The following SMYD2 variants were observed in gnomAD, a reference collection of about 807,000 sequenced individuals.
SMYD2 encodes N-lysine methyltransferase SMYD2.
A neutral mutation model predicts 59.1 loss-of-function variants in SMYD2; 53 were observed. The observed-to-expected ratio is 0.90, with a 90% CI of 0.72 to 1.13. The LOEUF is 1.13. SMYD2 is among the 50% of genes most tolerant of loss of function. The pLI is 0.00. For synonymous variants in SMYD2, 208 were observed against 198.8 expected, an observed-to-expected ratio of 1.05 and a Z score of -0.39; for missense variants, 494 against 544.7, an observed-to-expected ratio of 0.91 and a Z score of 0.93.
At chr1:214,289,976 C>G (rs1333717429) in intron 1 of SMYD2, among the ~76,000 whole-genome samples, 1 of 152,268 alleles carries the variant, frequency 6.6e-6, no homozygotes, top group Non-Finnish European at 1.5e-5. Flanking sequence ...AGGGAATTAA[C>G]TGAAGTACCT....
At chr1:214,301,784 A>AAAT (rs2102461107) in intron 1 of SMYD2, among the ~76,000 whole-genome samples, 1 of 151,498 alleles carries the variant, frequency 6.6e-6, no homozygotes, top group African/African-American at 2.4e-5. Flanking sequence ...AAAAAAAAAA[A>AAAT]AAAGCCAGGA....
At position 214,318,140 on chromosome 1, in the gene SMYD2, G is replaced by A. The variant is rs1209757302; in HGVS notation, c.409+1G>A. The A allele has an allele frequency of 1.1e-5, 17 of 1,613,734 alleles. No individual in the cohort carries two copies. The highest frequency in any genetic ancestry group is 1.4e-5 in the Non-Finnish European group (16 of 1,179,894). ...TTAGCTGTGAAGGAGTTTGAATCAC[G>A]TAAGTCTTTCTGTGACCAGCCGCGC... is the stretch of plus-strand genomic sequence containing the variant. On this transcript the variant is annotated splice_donor_variant, in intron 4 of 11. Coordinates refer to ENST00000366957, the MANE Select transcript of SMYD2 (RefSeq NM_020197.3). LOFTEE classifies it high-confidence loss of function. The surrounding 1 kb of genome is among the most constrained non-coding windows in gnomAD (Gnocchi z 5.4).
chr1:214,287,399 C>T (rs1017924114), intron 1 of SMYD2, among the ~76,000 whole-genome samples: 1 of 151,506 alleles, frequency 6.6e-6, no homozygotes, highest in African/African-American at 2.4e-5. Flanking sequence ...CCAGCCTGAC[C>T]AACATGGTGA....
chr1:214,293,046 TG>T, intron 1 of SMYD2, among the ~76,000 whole-genome samples: 1 of 144,170 alleles, frequency 6.9e-6, no homozygotes, highest in African/African-American at 2.7e-5. Context: ...TGTGTGTGTG[TG>T]TGTGTGTGTG....
At chr1:214,336,664 T>C in intron 11 of SMYD2, 40 bp from the exon 12 acceptor site, 1 of 1,594,986 alleles carries the variant, frequency 6.3e-7, no homozygotes, top group Non-Finnish European at 8.6e-7. Context: ...GTGAGGAGAT[T>C]GGCTTCTAGG....
At chr1:214,330,805 T>A (rs1657340025) in intron 8 of SMYD2, 145 bp from the exon 9 acceptor site, 12 of 1,233,288 alleles carry the variant, frequency 9.7e-6, no homozygotes, top group Non-Finnish European at 3.4e-6. Flanking sequence ...TTCAGATGCA[T>A]TGCCTGATTT....
At chr1:214,306,307 T>G (rs934007409) in intron 2 of SMYD2, among the ~76,000 whole-genome samples, 1 of 152,156 alleles carries the variant, frequency 6.6e-6, no homozygotes, top group African/African-American at 2.4e-5. Context: ...ACTGTTGGCT[T>G]CTGAAAGGCC....
At chr1:214,332,438 C>G in intron 10 of SMYD2, 1 of 451,480 alleles carries the variant, frequency 2.2e-6, no homozygotes, top group Non-Finnish European at 4.0e-6. Context: ...CCAGGTCCAT[C>G]CAGGGCCATA....
intron 1 of SMYD2, among the ~76,000 whole-genome samples, chr1:214,284,185 T>C (rs1656493473): frequency 6.6e-6 from 1 of 152,038 alleles, no homozygotes; most frequent in African/African-American, 2.4e-5. Flanking sequence ...TCAGATACAC[T>C]TTATACACAC....
chr1:214,303,702 G>A (rs1049150058), intron 1 of SMYD2, among the ~76,000 whole-genome samples: 5 of 152,228 alleles, frequency 3.3e-5, no homozygotes, highest in African/African-American at 1.2e-4. Context: ...GAGGAGTGTG[G>A]TGACTACCAC....
intron 5 of SMYD2, among the ~76,000 whole-genome samples, chr1:214,319,937 G>GTAAC (rs1657143385): frequency 1.3e-5 from 2 of 152,218 alleles, no homozygotes; most frequent in African/African-American, 4.8e-5. Context: ...CCTTTGCCCA[G>GTAAC]TAACTCTGTT....
At chr1:214,303,052 C>T (rs1656851854) in intron 1 of SMYD2, among the ~76,000 whole-genome samples, 1 of 152,074 alleles carries the variant, frequency 6.6e-6, no homozygotes, top group Non-Finnish European at 1.5e-5. Context: ...TGAAATTTTA[C>T]AGACTTCTTT....
At chr1:214,299,211 C>T (rs1229488596) in intron 1 of SMYD2, among the ~76,000 whole-genome samples, 4 of 152,092 alleles carry the variant, frequency 2.6e-5, no homozygotes, top group East Asian at 1.9e-4. Flanking sequence ...GAAAAAGGAA[C>T]GCTTATACAC....
At chr1:214,299,516 A>T (rs1656788492) in intron 1 of SMYD2, among the ~76,000 whole-genome samples, 1 of 147,190 alleles carries the variant, frequency 6.8e-6, no homozygotes, top group Non-Finnish European at 1.5e-5. Flanking sequence ...ATAAAAAAGA[A>T]TGAAATTATG....
intron 1 of SMYD2, among the ~76,000 whole-genome samples, chr1:214,286,764 A>AAAAG (rs1313200129): frequency 6.6e-6 from 1 of 151,480 alleles, no homozygotes; most frequent in Non-Finnish European, 1.5e-5. Flanking sequence ...AAAAAAAAAA[A>AAAAG]AAAAAGCGTA....
intron 1 of SMYD2, among the ~76,000 whole-genome samples, chr1:214,295,686 C>T (rs1156515063): frequency 6.6e-6 from 1 of 152,174 alleles, no homozygotes; most frequent in East Asian, 1.9e-4. Context: ...GGGAAGAAGC[C>T]CCCCGCTGCA....
At chr1:214,332,374 C>T in intron 10 of SMYD2, 182 bp downstream of exon 10, 1 of 614,384 alleles carries the variant, frequency 1.6e-6, no homozygotes, top group Non-Finnish European at 2.8e-6. Context: ...TTCTCACCAT[C>T]ATCCCAAGGA....
At position 214,320,468 on chromosome 1, in the gene SMYD2, A is replaced by G. The variant is rs544706828; in HGVS notation, c.534+1485A>G. Among the ~76,000 whole-genome samples the G allele has an allele frequency of 7.2e-5, 11 of 152,336 alleles. No individual in the cohort carries two copies. In the South Asian group the frequency reaches 2.3e-3, roughly 32 times the overall value. On this transcript the variant is annotated intron_variant, in intron 5 of 11. Transcript: ENST00000366957. ...AGCACACACTTTAAAAATTACACAC[A>G]TAAAGAAAGTGGCCAGGCACCATGG...
chr1:214,322,424 G>A (rs1571931429), intron 5 of SMYD2, among the ~76,000 whole-genome samples: 1 of 152,250 alleles, frequency 6.6e-6, no homozygotes, highest in East Asian at 1.9e-4. Context: ...AAAATAATAT[G>A]CCAAGTCTTC....
Sources: gnomAD v4.1 joint callset for allele counts (sites outside exome capture counted in the v4.1 genomes callset) on GRCh38, gnomAD v4.1.1 for gene constraint, Gnocchi (gnomAD v3.1) non-coding constraint, MANE v1.5 for transcripts, NCBI Gene and HGNC (gene_info 2026-07-23, HGNC 2026-07-21) for gene names.